The following DPP10 variants were observed in gnomAD, a reference collection of about 807,000 sequenced individuals.
DPP10 encodes the protein dipeptidyl peptidase like 10, also known as inactive dipeptidyl peptidase 10.
In DPP10, 33 loss-of-function variants were observed where a neutral mutation model predicts 120.9. That is an observed-to-expected ratio of 0.27 (90% CI 0.21 to 0.37). The LOEUF is 0.37. Ranked by LOEUF, DPP10 falls within the 10% of genes least tolerant of loss-of-function variation. The pLI is 1.00. For synonymous variants in DPP10, 337 were observed against 326.1 expected, an observed-to-expected ratio of 1.03 and a Z score of -0.36; for missense variants, 816 against 942.8, an observed-to-expected ratio of 0.87 and a Z score of 1.76.
intron 5 of DPP10, 83 bp from the exon 6 acceptor site, chr2:115,689,604 A>G (rs998098613): frequency 3.3e-6 from 3 of 914,106 alleles, no homozygotes; most frequent in Non-Finnish European, 4.9e-6. Flanking sequence ...TTCTTGGATT[A>G]CCTGGATGTT....
At chr2:115,237,033 A>G (rs1247688984) in intron 1 of DPP10, among the ~76,000 whole-genome samples, 1 of 151,540 alleles carries the variant, frequency 6.6e-6, no homozygotes, top group African/African-American at 2.4e-5. Context: ...AGCCATCACA[A>G]TAATAATATA....
At chr2:115,322,972 A>G (rs2062144580) in intron 2 of DPP10, among the ~76,000 whole-genome samples, 1 of 152,302 alleles carries the variant, frequency 6.6e-6, no homozygotes, top group East Asian at 1.9e-4. Context: ...TGCTAACTGA[A>G]CAAGCTAGTG....
chr2:114,488,902 C>A (rs1322043733), intron 1 of DPP10, among the ~76,000 whole-genome samples: 1 of 152,182 alleles, frequency 6.6e-6, no homozygotes, highest in Non-Finnish European at 1.5e-5. Context: ...AATAAACACT[C>A]TTCTTGATCA....
chr2:114,814,350 TC>T (rs1685442008), intron 1 of DPP10, among the ~76,000 whole-genome samples: 2 of 151,898 alleles, frequency 1.3e-5, no homozygotes, highest in Admixed American at 6.6e-5. Context: ...GACTTATTAT[TC>T]CCCTTCTGTT....
chr2:114,857,191 A>G (rs946968866), intron 1 of DPP10, among the ~76,000 whole-genome samples: 5 of 152,180 alleles, frequency 3.3e-5, no homozygotes, highest in Admixed American at 6.5e-5. Flanking sequence ...AGTGCATCCA[A>G]TAGAGCTTCT....
intron 3 of DPP10, among the ~76,000 whole-genome samples, chr2:115,480,665 T>A (rs145778529): frequency 7.2e-4 from 110 of 152,252 alleles, no homozygotes; most frequent in Non-Finnish European, 1.3e-3. Context: ...ATCTGCAGAC[T>A]GTGGCTCTTA....
At chr2:114,978,849 T>C (rs925758115) in intron 1 of DPP10, among the ~76,000 whole-genome samples, 13 of 152,296 alleles carry the variant, frequency 8.5e-5, no homozygotes, top group African/African-American at 3.1e-4. Flanking sequence ...TCATGCATGC[T>C]TGTTACCATC....
At chr2:115,136,422 T>G (rs1573745074) in intron 1 of DPP10, among the ~76,000 whole-genome samples, 1 of 152,326 alleles carries the variant, frequency 6.6e-6, no homozygotes. Context: ...TCATAGTATT[T>G]ACAGGTCGCA....
chr2:115,837,267 C>T (rs574052023), intron 24 of DPP10, among the ~76,000 whole-genome samples: 1 of 152,202 alleles, frequency 6.6e-6, no homozygotes, highest in Admixed American at 6.5e-5. Context: ...ATTTTTTCAT[C>T]ACTTTAAACC....
chr2:114,768,429 G>A (rs1307240271), intron 1 of DPP10, among the ~76,000 whole-genome samples: 2 of 152,196 alleles, frequency 1.3e-5, no homozygotes, highest in African/African-American at 2.4e-5. Flanking sequence ...ATCTCTGTGT[G>A]AGGTTTAGAA....
chr2:115,364,593 T>G lies in DPP10; in HGVS notation c.271+20681T>G, dbSNP rs1574567267. 4.6e-5 allele frequency among the ~76,000 whole-genome samples: 7 copies of G among 152,158 alleles called. No individual in the cohort carries two copies. In the South Asian group the frequency reaches 1.4e-3, roughly 32 times the overall value. The stretch of plus-strand genomic sequence containing the variant: ...TCCTTATGAAACATCAGTCAGTTCT[T>G]CTGTATACTCAACCATGACTTTCCC... On this transcript the variant is annotated intron_variant, in intron 3 of 25. Transcript: ENST00000410059.
At position 115,322,825 on chromosome 2, in the gene DPP10, C is replaced by T. The variant is rs191603571; in HGVS notation, c.175+13472C>T. On this transcript the variant is annotated intron_variant, in intron 2 of 25. Transcript: ENST00000410059. ...ATTTGTAGTTTATTAAGTGTGCAAT[C>T]GCATTATGTATTATAAAAATGAACA... Among the ~76,000 whole-genome samples the T allele has an allele frequency of 1.4e-3, 212 of 152,176 alleles. 1 individual carries two copies. Among genetic ancestry groups the T allele is most frequent in the African/African-American group, 5.0e-3 (208 of 41,536 alleles).
At chr2:115,346,823 A>G (rs1244803386) in intron 3 of DPP10, among the ~76,000 whole-genome samples, 2 of 152,172 alleles carry the variant, frequency 1.3e-5, no homozygotes, top group Admixed American at 6.6e-5. Flanking sequence ...CTTAACTCAG[A>G]AACTTATCCG....
chr2:115,550,139 G>A (rs2079786922), intron 5 of DPP10, among the ~76,000 whole-genome samples: 1 of 152,140 alleles, frequency 6.6e-6, no homozygotes, highest in African/African-American at 2.4e-5. Flanking sequence ...ATAAATGCTA[G>A]TCAGGCAAGA....
At chr2:114,675,461 A>C (rs1698606571) in intron 1 of DPP10, among the ~76,000 whole-genome samples, 1 of 152,160 alleles carries the variant, frequency 6.6e-6, no homozygotes, top group African/African-American at 2.4e-5. Flanking sequence ...ATTGTGGCTA[A>C]TAAACACGTG....
chr2:115,802,698 C>G (rs1685410649), intron 19 of DPP10, among the ~76,000 whole-genome samples: 1 of 152,124 alleles, frequency 6.6e-6, no homozygotes, highest in African/African-American at 2.4e-5. Context: ...ACCCAGTAGT[C>G]ATTCAGGAGC....
chr2:115,590,877 G>T (rs537284403), intron 5 of DPP10, among the ~76,000 whole-genome samples: 16 of 152,276 alleles, frequency 1.1e-4, no homozygotes, highest in Non-Finnish European at 2.1e-4. Flanking sequence ...GTGTGAGATG[G>T]TATCTCATTG....
intron 5 of DPP10, among the ~76,000 whole-genome samples, chr2:115,605,147 G>A (rs1002805241): frequency 6.6e-6 from 1 of 152,036 alleles, no homozygotes. Context: ...AAAGAAATTT[G>A]GAGATTGTCT....
At chr2:114,614,549 C>T (rs1283406536) in intron 1 of DPP10, among the ~76,000 whole-genome samples, 1 of 152,140 alleles carries the variant, frequency 6.6e-6, no homozygotes, top group Non-Finnish European at 1.5e-5. Context: ...ATCTAATTAA[C>T]CTTTAATTGT....
Sources: gnomAD v4.1 joint callset for allele counts (sites outside exome capture counted in the v4.1 genomes callset) on GRCh38, gnomAD v4.1.1 for gene constraint, MANE v1.5 for transcripts, NCBI Gene and HGNC (gene_info 2026-07-23, HGNC 2026-07-21) for gene names.